The following DENND11 variants were observed in gnomAD, a reference collection of about 807,000 sequenced individuals.
DENND11 encodes DENN domain containing 11, also known as DENN domain-containing protein 11.
Under a neutral mutation model 49.2 loss-of-function variants are expected in DENND11, and 34 were observed. The ratio of observed to expected loss-of-function variants is 0.69; its 90% confidence interval spans 0.53 to 0.92. The LOEUF (loss-of-function observed/expected upper bound fraction) is 0.92. Among genes scored for constraint, DENND11 ranks in the 40% least tolerant of loss-of-function variants. The pLI is 0.00. For synonymous variants in DENND11, 238 were observed against 230.3 expected, an observed-to-expected ratio of 1.03 and a Z score of -0.30; for missense variants, 475 against 581.6, an observed-to-expected ratio of 0.82 and a Z score of 1.88.
At chr7:141,662,901 G>A in intron 8 of DENND11, 50 bp from the exon 9 acceptor site, 1 of 1,396,090 alleles carries the variant, frequency 7.2e-7, no homozygotes, top group South Asian at 1.5e-5. Flanking sequence ...GGAATAAAAA[G>A]CTCACCAGAT....
At chr7:141,690,999 G>T (rs1381284185) in intron 1 of DENND11, among the ~76,000 whole-genome samples, 1 of 152,030 alleles carries the variant, frequency 6.6e-6, no homozygotes, top group African/African-American at 2.4e-5. Context: ...AAGAAATACA[G>T]GTATATCAGG....
intron 1 of DENND11, among the ~76,000 whole-genome samples, chr7:141,701,070 G>A (rs1408073741): frequency 6.6e-6 from 1 of 151,962 alleles, no homozygotes. Flanking sequence ...AGGCTTCCTG[G>A]GCGCGCAGGG....
chr7:141,670,178 CT>C (rs1458013003), intron 4 of DENND11, among the ~76,000 whole-genome samples: 1 of 152,086 alleles, frequency 6.6e-6, no homozygotes, highest in Non-Finnish European at 1.5e-5. Flanking sequence ...ACATGTAAGC[CT>C]TGCCCTACCG....
intron 4 of DENND11, among the ~76,000 whole-genome samples, chr7:141,667,649 G>A (rs1429890515): frequency 6.6e-6 from 1 of 152,096 alleles, no homozygotes; most frequent in African/African-American, 2.4e-5. Context: ...ACTTCTGAGA[G>A]AGGCACCGAC....
At chr7:141,665,096 C>A in intron 6 of DENND11, 42 bp from the exon 7 acceptor site, 1 of 1,610,230 alleles carries the variant, frequency 6.2e-7, no homozygotes, top group Non-Finnish European at 8.5e-7. Context: ...CCACCCGACC[C>A]CACTGGGAAA....
rs1334948303 is a variant in DENND11, at chr7:141,658,543, A to C, written c.*4113T>G. ...AGCTTGGGATCTACTAGGGAGATAA[A>C]AGCCCATGCCTGGCATATTGGTCCC... is the stretch of plus-strand genomic sequence containing the variant. On this transcript the variant is annotated 3_prime_UTR_variant, in exon 9 of 9. Transcript: ENST00000536163. 6.6e-6 allele frequency: 1 copy of C among 152,166 alleles called. No individual in the cohort carries two copies. Among genetic ancestry groups the C allele is most frequent in the Admixed American group, 6.5e-5 (1 of 15,274 alleles). The allele number at this position is 152,166 out of a possible 1,614,324, so 9.4% of individuals were successfully genotyped here. A position where few individuals can be genotyped will look rare whatever the true frequency, so the allele number is the denominator to read the frequency against.
chr7:141,686,491 T>C, intron 2 of DENND11, 68 bp downstream of exon 2: 1 of 999,616 alleles, frequency 1.0e-6, no homozygotes, highest in South Asian at 1.4e-5. Flanking sequence ...TAAGAGCCCT[T>C]CAGCTTTGGG....
intron 3 of DENND11, among the ~76,000 whole-genome samples, chr7:141,678,954 G>A (rs1315277856): frequency 6.6e-6 from 1 of 152,082 alleles, no homozygotes; most frequent in African/African-American, 2.4e-5. Flanking sequence ...TTCTGATTAA[G>A]AAATAATCAT....
chr7:141,677,163 C>T lies in DENND11; in HGVS notation c.528-2943G>A, dbSNP rs776520310. Among the ~76,000 whole-genome samples, 31 of 152,104 alleles carry T rather than the reference C, an allele frequency of 2.0e-4. No homozygotes were observed. In the Middle Eastern group the frequency reaches 0.01, roughly 50 times the overall value. On this transcript the variant is annotated intron_variant, in intron 3 of 8. Transcript: ENST00000536163. ...TGAACAGGCCGGGCGTGGTGGCTCA[C>T]GCCTGTAATCCCAGCACTTTGGGAG...
At chr7:141,701,717 G>A (rs1354143575) in intron 1 of DENND11, 169 bp downstream of exon 1, 6 of 449,862 alleles carry the variant, frequency 1.3e-5, no homozygotes, top group Non-Finnish European at 1.6e-5. Context: ...GAGAGCTGAG[G>A]ACTGGCCGAC....
intron 8 of DENND11, 40 bp downstream of exon 8, chr7:141,664,132 A>T (rs1218548717): frequency 1.3e-6 from 2 of 1,494,794 alleles, no homozygotes; most frequent in Non-Finnish European, 1.8e-6. Context: ...TGCCGAAGGG[A>T]TCCTCAGGGA....
intron 3 of DENND11, among the ~76,000 whole-genome samples, chr7:141,676,374 GTTTA>G (rs1435602662): frequency 1.3e-5 from 2 of 152,074 alleles, no homozygotes; most frequent in African/African-American, 2.4e-5. Flanking sequence ...CATTTTCTAG[GTTTA>G]TTGTTTGCTG....
At position 141,698,667 on chromosome 7, in the gene DENND11, T is replaced by C. The variant is rs550533785; in HGVS notation, c.268+3219A>G. On this transcript the variant is annotated intron_variant, in intron 1 of 8. Transcript: ENST00000536163. ...GCTTTCCAAAACTTGTATCTAAAAGTGCAAAAGGATTACTCTTATTTCCAC... is the reference window on the plus strand; with the variant it reads ...GCTTTCCAAAACTTGTATCTAAAAGCGCAAAAGGATTACTCTTATTTCCAC... Among the ~76,000 whole-genome samples, 16 of 152,272 alleles carry C rather than the reference T, an allele frequency of 1.1e-4. No individual in the cohort carries two copies. The East Asian group carries it at 1.7e-3, about 17-fold the overall frequency.
chr7:141,666,384 G>C lies in DENND11; in HGVS notation c.723C>G (p.Phe241Leu). 1.2e-6 allele frequency: 2 copies of C among 1,611,812 alleles called. No individual in the cohort carries two copies. Among genetic ancestry groups the C allele is most frequent in the South Asian group, 2.2e-5 (2 of 90,804 alleles). ...PAGCMSQFIKFFGEQILILWK... is the reference protein window; with the variant it reads ...PAGCMSQFIKLFGEQILILWK... Reference sequence around the variant, plus strand: ...AGAGGATGAGGATCTGTTCTCCAAAGAACTTTATAAACTGAGACATGCAGC... The same window carrying C: ...AGAGGATGAGGATCTGTTCTCCAAACAACTTTATAAACTGAGACATGCAGC... Residue 241 changes from phenylalanine to leucine, a missense_variant, in exon 5 of 9, where the codon TTC becomes TTG. Transcript: ENST00000536163.
chr7:141,676,113 A>T (rs1798057339), intron 3 of DENND11, among the ~76,000 whole-genome samples: 1 of 152,180 alleles, frequency 6.6e-6, no homozygotes, highest in Admixed American at 6.5e-5. Flanking sequence ...ATACAAAGGC[A>T]ATTATGTTCA....
intron 3 of DENND11, among the ~76,000 whole-genome samples, chr7:141,676,768 T>C (rs1259471678): frequency 2.0e-5 from 3 of 152,152 alleles, no homozygotes; most frequent in African/African-American, 4.8e-5. Flanking sequence ...AAAGATGATG[T>C]CAAAGCAGCC....
rs145606748 is a variant in DENND11 at position 141,699,916 on chromosome 7, TCACA to T, written c.268+1966_268+1969del. ...GTAGCCTTAGTCTGAAAACCATCAC[TCACA>T]CACACACACACACACACACACACTC... On this transcript the variant is annotated intron_variant, in intron 1 of 8. Coordinates refer to ENST00000536163, the MANE Select transcript of DENND11 (RefSeq NM_001080392.2). 3.5e-3 allele frequency among the ~76,000 whole-genome samples: 520 copies of T among 146,876 alleles called. 1 individual carries two copies. Among genetic ancestry groups the T allele is most frequent in the Admixed American group, 5.4e-3 (79 of 14,700 alleles).
Position 141,674,230 on chromosome 7 carries a change from A to ACAC in DENND11, c.528-11_528-10insGTG. ...CATCTCCAACTGGTGCCTGCAGAAA[A>ACAC]ACACACACACACACACACACACACA... On this transcript the variant is annotated splice_polypyrimidine_tract_variant and intron_variant, in intron 3 of 8. Coordinates refer to ENST00000536163, the MANE Select transcript of DENND11 (RefSeq NM_001080392.2). 2.0e-6 allele frequency: 3 copies of ACAC among 1,493,358 alleles called. No individual in the cohort carries two copies. The African/African-American group carries it at 4.4e-5, about 22-fold the overall frequency. The allele number at this position is 1,493,358 out of a possible 1,614,324, so 92.5% of individuals were successfully genotyped here. A position where few individuals can be genotyped will look rare whatever the true frequency, so the allele number is the denominator to read the frequency against.
intron 1 of DENND11, among the ~76,000 whole-genome samples, chr7:141,687,519 A>G (rs988714546): frequency 6.6e-6 from 1 of 151,054 alleles, no homozygotes; most frequent in Non-Finnish European, 1.5e-5. Context: ...GCTGGAGTGC[A>G]GTGGCACAAT....
Sources: allele counts gnomAD v4.1 joint callset (sites outside exome capture counted in the v4.1 genomes callset), GRCh38; gene constraint gnomAD v4.1.1; transcripts MANE v1.5; gene names NCBI Gene and HGNC (gene_info 2026-07-23, HGNC 2026-07-21).